The following L3MBTL4 variants were observed in gnomAD, a reference collection of about 807,000 sequenced individuals.
The protein encoded by L3MBTL4 is lethal(3)malignant brain tumor-like protein 4.
L3MBTL4 carries 70 observed loss-of-function variants against 84.5 expected under a neutral mutation model. The observed-to-expected ratio is 0.83, with a 90% CI of 0.68 to 1.01. The LOEUF (loss-of-function observed/expected upper bound fraction) is 1.01. L3MBTL4 is among the 50% of genes least tolerant of loss of function. The pLI, the probability that L3MBTL4 is intolerant of heterozygous loss-of-function variation, is 0.00. For missense variants in L3MBTL4, 715 were observed against 754.8 expected, an observed-to-expected ratio of 0.95 and a Z score of 0.62; for synonymous variants, 274 against 259.8, an observed-to-expected ratio of 1.05 and a Z score of -0.52.
At chr18:6,270,463 T>A (rs576523449) in intron 4 of L3MBTL4, among the ~76,000 whole-genome samples, 1 of 152,182 alleles carries the variant, frequency 6.6e-6, no homozygotes, top group African/African-American at 2.4e-5. Context: ...TAACCTGACA[T>A]ATGGTGGGAC....
chr18:6,171,746 T>C, intron 13 of L3MBTL4, 82 bp downstream of exon 13: 1 of 743,708 alleles, frequency 1.3e-6, no homozygotes, highest in Non-Finnish European at 2.2e-6. Flanking sequence ...TTCAAATGCC[T>C]GTAATGGCAT....
intron 16 of L3MBTL4, among the ~76,000 whole-genome samples, chr18:6,055,475 A>G (rs1291184931): frequency 6.6e-6 from 1 of 152,084 alleles, no homozygotes; most frequent in Non-Finnish European, 1.5e-5. Context: ...CTTCGATAGT[A>G]TGTTAAAGGC....
At chr18:6,331,312 G>A (rs1253433999) in intron 1 of L3MBTL4, among the ~76,000 whole-genome samples, 1 of 152,146 alleles carries the variant, frequency 6.6e-6, no homozygotes, top group Non-Finnish European at 1.5e-5. Flanking sequence ...TTAAAACACT[G>A]TTGGAACAAG....
At chr18:6,039,806 T>A (rs560300046) in intron 16 of L3MBTL4, among the ~76,000 whole-genome samples, 1 of 152,214 alleles carries the variant, frequency 6.6e-6, no homozygotes, top group East Asian at 1.9e-4. Flanking sequence ...TTTGTACCAA[T>A]ATCTAGAACT....
chr18:6,068,381 G>T (rs2057466880), intron 16 of L3MBTL4, among the ~76,000 whole-genome samples: 1 of 152,158 alleles, frequency 6.6e-6, no homozygotes, highest in Non-Finnish European at 1.5e-5. Flanking sequence ...TGATGAAGGT[G>T]CCTGGGGGAG....
chr18:6,143,690 T>C (rs924104198), intron 13 of L3MBTL4, among the ~76,000 whole-genome samples: 2 of 152,220 alleles, frequency 1.3e-5, no homozygotes, highest in African/African-American at 4.8e-5. Context: ...TCTCTGACCA[T>C]ATGACCCATT....
intron 16 of L3MBTL4, among the ~76,000 whole-genome samples, chr18:6,072,147 A>T (rs1598642073): frequency 6.6e-6 from 1 of 152,216 alleles, no homozygotes; most frequent in Non-Finnish European, 1.5e-5. Flanking sequence ...TGAGCCTAGT[A>T]ATATAGCCTA....
At position 6,239,857 on chromosome 18, in the gene L3MBTL4, T is replaced by C. The variant is rs2047381074; in HGVS notation, c.568A>G (p.Lys190Glu). 1.2e-6 allele frequency: 2 copies of C among 1,614,134 alleles called. No homozygotes were observed. Among genetic ancestry groups the C allele is most frequent in the South Asian group, 2.2e-5 (2 of 91,078 alleles). ...RNRSPNGPMS[K>E]EFQVGMKLEA... ...AGCTTCATTCCAACCTGAAATTCTT[T>C]AGACATTGGCCCATTCTAACGCAGC... The change falls in exon 9 of 19, where the codon AAA (lysine) becomes GAA (glutamate). Residue 190 changes from lysine to glutamate, a missense_variant. By Grantham distance (56) the Lys-to-Glu change is moderately conservative. Coordinates refer to ENST00000317931, the MANE Select transcript of L3MBTL4 (RefSeq NM_001330559.2).
At chr18:6,318,746 GCA>G in intron 1 of L3MBTL4, among the ~76,000 whole-genome samples, 1 of 151,818 alleles carries the variant, frequency 6.6e-6, no homozygotes, top group Non-Finnish European at 1.5e-5. Context: ...CAACAAGGAA[GCA>G]ATGAAATTAA....
chr18:6,346,888 C>A (rs1568531273), intron 1 of L3MBTL4, among the ~76,000 whole-genome samples: 1 of 152,068 alleles, frequency 6.6e-6, no homozygotes, highest in Non-Finnish European at 1.5e-5. Flanking sequence ...ATATTCACTG[C>A]AGCAATATTC....
At chr18:6,344,882 C>T (rs2143607886) in intron 1 of L3MBTL4, among the ~76,000 whole-genome samples, 1 of 151,866 alleles carries the variant, frequency 6.6e-6, no homozygotes, top group Admixed American at 6.6e-5. Flanking sequence ...ACAATAAAGG[C>T]CATATATGAC....
At chr18:6,081,896 C>T (rs994179351) in intron 15 of L3MBTL4, among the ~76,000 whole-genome samples, 1 of 152,040 alleles carries the variant, frequency 6.6e-6, no homozygotes, top group African/African-American at 2.4e-5. Flanking sequence ...GACTTTTTAT[C>T]AAAAAAGCAA....
At chr18:6,125,253 C>T (rs1304106814) in intron 14 of L3MBTL4, among the ~76,000 whole-genome samples, 1 of 152,070 alleles carries the variant, frequency 6.6e-6, no homozygotes, top group Admixed American at 6.6e-5. Flanking sequence ...GTAGCAAGAA[C>T]ACAACAAAAG....
At chr18:6,076,874 G>T (rs556390663) in intron 16 of L3MBTL4, among the ~76,000 whole-genome samples, 1 of 152,084 alleles carries the variant, frequency 6.6e-6, no homozygotes, top group Non-Finnish European at 1.5e-5. Context: ...AATTCCAAAG[G>T]TATCTCACAG....
In L3MBTL4 at chr18:6,211,490, G is replaced by C. The variant is rs147874032; in HGVS notation, c.981+1659C>G. On this transcript the variant is annotated intron_variant, in intron 12 of 18. Coordinates refer to ENST00000317931, the MANE Select transcript of L3MBTL4 (RefSeq NM_001330559.2). ...AGAGGAATGTACTGGGCAAAGCTGA[G>C]AGAAGAAAAACTTCAATTGCTTGCT... Among the ~76,000 whole-genome samples, 12 of 152,268 alleles carry C rather than the reference G, an allele frequency of 7.9e-5. No individual in the cohort carries two copies. The East Asian group carries it at 2.3e-3, about 29-fold the overall frequency.
At chr18:6,118,604 T>C (rs1170478224) in intron 14 of L3MBTL4, among the ~76,000 whole-genome samples, 11 of 152,222 alleles carry the variant, frequency 7.2e-5, no homozygotes, top group Admixed American at 7.2e-4. Flanking sequence ...CCAGGTGATA[T>C]AGTTTTGTTG....
chr18:6,344,693 T>C (rs971009067), intron 1 of L3MBTL4, among the ~76,000 whole-genome samples: 1 of 152,180 alleles, frequency 6.6e-6, no homozygotes, highest in South Asian at 2.1e-4. Context: ...TCTCATCAAG[T>C]GGGACTTATC....
At chr18:6,270,379 G>C (rs1187385344) in intron 4 of L3MBTL4, among the ~76,000 whole-genome samples, 1 of 152,176 alleles carries the variant, frequency 6.6e-6, no homozygotes, top group Admixed American at 6.5e-5. Context: ...GGTACTGAGA[G>C]AATCCAACTT....
At chr18:5,960,011 C>CATAT in intron 18 of L3MBTL4, 83 bp downstream of exon 18, 2 of 171,900 alleles carry the variant, frequency 1.2e-5, no homozygotes, top group Non-Finnish European at 2.0e-5. Context: ...GAAATACATA[C>CATAT]ATATATATAT....
Sources: allele counts gnomAD v4.1 joint callset (sites outside exome capture counted in the v4.1 genomes callset), GRCh38; gene constraint gnomAD v4.1.1; transcripts MANE v1.5; gene names NCBI Gene and HGNC (gene_info 2026-07-23, HGNC 2026-07-21).